The following PEX5L variants were observed in gnomAD, a reference collection of about 807,000 sequenced individuals.
The protein encoded by PEX5L is PEX5-related protein.
A neutral mutation model predicts 84.0 loss-of-function variants in PEX5L; 30 were observed. The ratio of observed to expected loss-of-function variants is 0.36; its 90% CI spans 0.27 to 0.48. The LOEUF is 0.48. Among genes scored for constraint, PEX5L ranks in the 20% least tolerant of loss-of-function variants. PEX5L has a pLI of 0.99. For missense variants in PEX5L, 533 were observed against 754.6 expected, an observed-to-expected ratio of 0.71 and a Z score of 3.44; for synonymous variants, 270 against 283.1, an observed-to-expected ratio of 0.95 and a Z score of 0.46.
At chr3:179,860,667 C>A (rs1184264243) in intron 7 of PEX5L, among the ~76,000 whole-genome samples, 3 of 152,134 alleles carry the variant, frequency 2.0e-5, no homozygotes, top group Non-Finnish European at 4.4e-5. Flanking sequence ...TGAAGGGGAC[C>A]CCCCTCTTCT....
chr3:179,985,555 G>C (rs13096920), intron 1 of PEX5L, among the ~76,000 whole-genome samples: 25,075 of 151,702 alleles, frequency 0.17, 2,319 homozygotes, highest in Admixed American at 0.25. Flanking sequence ...GTAGCTGCTG[G>C]ATATCACCAC....
At chr3:179,923,160 G>A (rs9831448) in intron 2 of PEX5L, among the ~76,000 whole-genome samples, 1,580 of 151,794 alleles carry the variant, frequency 0.01, 24 homozygotes, top group African/African-American at 0.036. Flanking sequence ...GCTTGGTGGC[G>A]GGCACCTGTA....
chr3:179,983,860 C>CA (rs764344600), intron 1 of PEX5L, among the ~76,000 whole-genome samples: 7 of 152,022 alleles, frequency 4.6e-5, no homozygotes, highest in African/African-American at 1.2e-4. Context: ...TCAGTAGTGA[C>CA]ATGAATGAAG....
intron 2 of PEX5L, among the ~76,000 whole-genome samples, chr3:179,911,759 A>G (rs1030702103): frequency 4.6e-5 from 7 of 152,172 alleles, no homozygotes; most frequent in African/African-American, 1.4e-4. Flanking sequence ...ACTCCAAGGT[A>G]CCGTAAGATT....
chr3:179,929,358 C>A (rs563743225), intron 2 of PEX5L, among the ~76,000 whole-genome samples: 1 of 152,044 alleles, frequency 6.6e-6, no homozygotes, highest in African/African-American at 2.4e-5. Flanking sequence ...AAGTTGATTC[C>A]TCATTTAAAA....
chr3:179,813,728 T>G (rs1385345868), intron 10 of PEX5L, among the ~76,000 whole-genome samples: 3 of 146,808 alleles, frequency 2.0e-5, no homozygotes, highest in Middle Eastern at 4.0e-3. Context: ...GGACTGCGGA[T>G]TGCAGTGGCG....
intron 10 of PEX5L, among the ~76,000 whole-genome samples, chr3:179,814,671 G>A (rs1209200693): frequency 6.6e-6 from 1 of 152,078 alleles, no homozygotes; most frequent in Non-Finnish European, 1.5e-5. Context: ...AGGAATCTAG[G>A]GGATTAGGAC....
At chr3:179,947,958 G>A (rs945160419) in intron 2 of PEX5L, among the ~76,000 whole-genome samples, 5 of 151,808 alleles carry the variant, frequency 3.3e-5, no homozygotes, top group African/African-American at 1.2e-4. Flanking sequence ...TGCCTGCCTC[G>A]GCCTCCCAAA....
chr3:179,853,325 A>T (rs551955052), intron 8 of PEX5L, among the ~76,000 whole-genome samples: 1 of 152,306 alleles, frequency 6.6e-6, no homozygotes, highest in East Asian at 1.9e-4. Context: ...ACTTAGAGAG[A>T]CTAGCTAAAC....
Position 179,801,591 on chromosome 3 carries a change from G to A in PEX5L, c.*237C>T. 2.0e-6 allele frequency: 1 copy of A among 500,326 alleles called. No individual in the cohort carries two copies. The highest frequency in any genetic ancestry group is 2.8e-5 in the South Asian group (1 of 35,514). The allele number at this position is 500,326 out of a possible 1,614,324, so 31.0% of individuals were successfully genotyped here. A position where few individuals can be genotyped will look rare whatever the true frequency, so the allele number is the denominator to read the frequency against. On this transcript the variant is annotated 3_prime_UTR_variant, in exon 15 of 15. Coordinates refer to ENST00000467460, the MANE Select transcript of PEX5L (RefSeq NM_016559.3). ...ACACACAGTTACTTTATCTTGGTTT[G>A]TCTTGAGTCTCTTAATTCTTCTTTT...
rs181831442 is a variant in PEX5L, at chr3:179,983,005, A to G, written c.22-11340T>C. ...GTATTTAGTAAGTTTTTTTGAATAA[A>G]AGCATTTGCTTTATAACAAAAAGGA... On this transcript the variant is annotated intron_variant, in intron 1 of 14. Coordinates refer to ENST00000467460, the MANE Select transcript of PEX5L (RefSeq NM_016559.3). 2.4e-3 allele frequency among the ~76,000 whole-genome samples: 368 copies of G among 152,146 alleles called. 3 individuals carry two copies. Among genetic ancestry groups the G allele is most frequent in the Non-Finnish European group, 1.2e-3 (79 of 67,906 alleles).
intron 8 of PEX5L, among the ~76,000 whole-genome samples, chr3:179,826,282 G>C (rs899558144): frequency 6.6e-6 from 1 of 152,190 alleles, no homozygotes; most frequent in Admixed American, 6.5e-5. Context: ...AGGGCAAACA[G>C]AAATGGAATA....
intron 1 of PEX5L, among the ~76,000 whole-genome samples, chr3:180,033,486 C>T (rs1020577774): frequency 5.3e-5 from 8 of 152,024 alleles, no homozygotes; most frequent in African/African-American, 1.7e-4. Flanking sequence ...TGTATTTATA[C>T]CACCCCAGAA....
chr3:179,813,169 G>A (rs142687636), intron 10 of PEX5L, among the ~76,000 whole-genome samples: 1 of 152,152 alleles, frequency 6.6e-6, no homozygotes, highest in African/African-American at 2.4e-5. Context: ...TTTCTCTGGG[G>A]ACGTTTTTCT....
chr3:179,908,616 C>A lies in PEX5L; in HGVS notation c.94-10370G>T, dbSNP rs1013580068. Among the ~76,000 whole-genome samples, 4 of 132,490 alleles carry A rather than the reference C, an allele frequency of 3.0e-5. No individual in the cohort carries two copies. The Admixed American group carries it at 3.2e-4, about 10-fold the overall frequency. The allele number at this position is 132,490 out of a possible 152,430, so 86.9% of individuals were successfully genotyped here. ...TATATCTCCTAATGCTATCCCTCCCCCCTCCCCCTACTCCATGACAAGCCC... is the reference window on the plus strand; with the variant it reads ...TATATCTCCTAATGCTATCCCTCCCACCTCCCCCTACTCCATGACAAGCCC... On this transcript the variant is annotated intron_variant, in intron 2 of 14. Coordinates refer to ENST00000467460, the MANE Select transcript of PEX5L (RefSeq NM_016559.3).
chr3:179,971,520 C>T (rs1438912374), intron 2 of PEX5L, 74 bp downstream of exon 2: 1 of 1,488,768 alleles, frequency 6.7e-7, no homozygotes, highest in Non-Finnish European at 8.9e-7. Context: ...CAGAGAAGGG[C>T]TGAACACTCA....
intron 1 of PEX5L, among the ~76,000 whole-genome samples, chr3:180,028,985 A>G (rs57758605): frequency 0.029 from 4,448 of 152,300 alleles, 227 homozygotes; most frequent in African/African-American, 0.1. Flanking sequence ...CTGAATAGGT[A>G]TCTTTCCCAA....
chr3:180,019,085 C>T (rs901698122), intron 1 of PEX5L, among the ~76,000 whole-genome samples: 8 of 152,014 alleles, frequency 5.3e-5, no homozygotes, highest in Admixed American at 1.3e-4. Flanking sequence ...AGGAGTGGAA[C>T]GTGTGAAGGA....
At chr3:179,884,323 G>A (rs955349459) in intron 4 of PEX5L, among the ~76,000 whole-genome samples, 2 of 152,170 alleles carry the variant, frequency 1.3e-5, no homozygotes, top group African/African-American at 4.8e-5. Flanking sequence ...AATCACAAGA[G>A]CTCTTATAAA....
Sources: gnomAD v4.1 joint callset for allele counts (sites outside exome capture counted in the v4.1 genomes callset) on GRCh38, gnomAD v4.1.1 for gene constraint, MANE v1.5 for transcripts, NCBI Gene and HGNC (gene_info 2026-07-23, HGNC 2026-07-21) for gene names.